Variants in ADGRL3 observed in about 807,000 individuals in gnomAD.
ADGRL3 encodes the protein calcium-independent alpha-latrotoxin receptor 3.
Under a neutral mutation model 153.5 loss-of-function variants are expected in ADGRL3, and 62 were observed. That is an observed-to-expected ratio of 0.40 (90% CI 0.33 to 0.50). ADGRL3 has a LOEUF of 0.50. ADGRL3 is among the 20% of genes least tolerant of loss of function. The pLI is 0.47. For missense variants in ADGRL3, 1,641 were observed against 1,859.4 expected (o/e 0.88, Z 2.16); for synonymous variants, 710 against 672.5 (o/e 1.06, Z -0.86).
chr4:61,894,410 C>A (rs1469308712), intron 10 of ADGRL3, among the ~76,000 whole-genome samples: 1 of 152,048 alleles, frequency 6.6e-6, no homozygotes, highest in Non-Finnish European at 1.5e-5. Context: ...CAAAAATACT[C>A]ATTTTATTTA....
chr4:61,890,261 A>G (rs1168337620), intron 9 of ADGRL3, among the ~76,000 whole-genome samples: 4 of 152,224 alleles, frequency 2.6e-5, no homozygotes, highest in Non-Finnish European at 5.9e-5. Context: ...AGAAGTACAA[A>G]TGAGAGCTGG....
At chr4:61,616,904 C>T (rs2092065420) in intron 5 of ADGRL3, among the ~76,000 whole-genome samples, 1 of 152,144 alleles carries the variant, frequency 6.6e-6, no homozygotes, top group African/African-American at 2.4e-5. Context: ...ATACTTCTGC[C>T]TCAGCCTCCC....
intron 24 of ADGRL3, among the ~76,000 whole-genome samples, chr4:62,043,319 T>G (rs916549964): frequency 6.6e-6 from 1 of 152,052 alleles, no homozygotes; most frequent in African/African-American, 2.4e-5. Context: ...TAATTAATAT[T>G]TTTAATTAAT....
chr4:61,726,450 C>T (rs1412064223), intron 6 of ADGRL3, among the ~76,000 whole-genome samples: 3 of 151,942 alleles, frequency 2.0e-5, no homozygotes, highest in Admixed American at 6.6e-5. Flanking sequence ...CCACCCACCT[C>T]GAACTCCCAA....
intron 17 of ADGRL3, among the ~76,000 whole-genome samples, chr4:61,970,422 C>T (rs116834852): frequency 0.014 from 2,063 of 152,070 alleles, 56 homozygotes; most frequent in African/African-American, 0.046. Context: ...TTCTTTCATT[C>T]GTTATGGTAG....
chr4:61,654,715 G>A (rs1038653368), intron 5 of ADGRL3, among the ~76,000 whole-genome samples: 1 of 151,966 alleles, frequency 6.6e-6, no homozygotes, highest in African/African-American at 2.4e-5. Flanking sequence ...CAGCCAAGAT[G>A]GTGAAACCCC....
At chr4:61,693,154 TGAAAA>T (rs915486968) in intron 6 of ADGRL3, among the ~76,000 whole-genome samples, 119 of 152,206 alleles carry the variant, frequency 7.8e-4, no homozygotes, top group African/African-American at 2.8e-3. Flanking sequence ...CTCCACTTTG[TGAAAA>T]GAAAAGTAAT....
intron 21 of ADGRL3, among the ~76,000 whole-genome samples, chr4:62,014,904 CAAT>C (rs772453018): frequency 5.3e-5 from 8 of 152,136 alleles, no homozygotes; most frequent in African/African-American, 9.7e-5. Context: ...AGCAAAACAA[CAAT>C]AAGGTAACAG....
chr4:61,904,177 T>TA (rs5858740), intron 11 of ADGRL3, among the ~76,000 whole-genome samples: 112,114 of 136,134 alleles, frequency 0.82, 47,426 homozygotes, highest in Non-Finnish European at 0.93. Flanking sequence ...TATTGTTCAT[T>TA]AAAAAAAAAA....
At chr4:61,856,586 TTC>T (rs199927400) in intron 9 of ADGRL3, among the ~76,000 whole-genome samples, 26 of 78,682 alleles carry the variant, frequency 3.3e-4, no homozygotes, top group African/African-American at 9.0e-4. Flanking sequence ...TCTCTCTTTT[TTC>T]TCTCTCTCTC....
intron 1 of ADGRL3, among the ~76,000 whole-genome samples, chr4:61,354,402 A>C (rs1468662951): frequency 2.0e-5 from 3 of 152,200 alleles, no homozygotes; most frequent in African/African-American, 7.2e-5. Context: ...AATTGTTTAA[A>C]AAATATGTTA....
At chr4:62,068,278 G>T (rs1744051842) in intron 26 of ADGRL3, 95 bp downstream of exon 26, 1 of 1,139,546 alleles carries the variant, frequency 8.8e-7, no homozygotes, top group Non-Finnish European at 1.2e-6. Flanking sequence ...ATTAAAAACA[G>T]TTCATCTCAC....
intron 2 of ADGRL3, among the ~76,000 whole-genome samples, chr4:61,440,609 A>C (rs1283380468): frequency 6.6e-6 from 1 of 152,136 alleles, no homozygotes; most frequent in African/African-American, 2.4e-5. Flanking sequence ...TGATTTTTAT[A>C]AGAGGCTAGA....
intron 8 of ADGRL3, among the ~76,000 whole-genome samples, chr4:61,801,642 C>T (rs2097498730): frequency 6.6e-6 from 1 of 152,032 alleles, no homozygotes; most frequent in South Asian, 2.1e-4. Flanking sequence ...TATGTGAAGC[C>T]TCGTGGTATA....
chr4:61,697,065 A>C (rs1271589846), intron 6 of ADGRL3, among the ~76,000 whole-genome samples: 1 of 137,984 alleles, frequency 7.2e-6, no homozygotes, highest in Non-Finnish European at 1.7e-5. Context: ...AATATAGTAG[A>C]TACTTAGTAG....
chr4:61,973,062 C>T (rs2099034931), intron 17 of ADGRL3, among the ~76,000 whole-genome samples: 1 of 151,314 alleles, frequency 6.6e-6, no homozygotes, highest in South Asian at 2.1e-4. Context: ...AGTTTGTATC[C>T]CATCTGGAAA....
intron 2 of ADGRL3, among the ~76,000 whole-genome samples, chr4:61,466,502 G>C (rs1202163384): frequency 6.6e-6 from 1 of 152,158 alleles, no homozygotes; most frequent in Non-Finnish European, 1.5e-5. Flanking sequence ...GCATAAATCA[G>C]ATTATGCATG....
chr4:61,818,562 G>A (rs1247847845), intron 9 of ADGRL3, among the ~76,000 whole-genome samples: 1 of 152,146 alleles, frequency 6.6e-6, no homozygotes, highest in African/African-American at 2.4e-5. Context: ...CTGGCCCCAT[G>A]GTTCAGTCAC....
rs1734400532 is a variant in ADGRL3 at position 61,200,762 on chromosome 4, A to T, written c.-1243A>T. Among the ~76,000 whole-genome samples the T allele has an allele frequency of 6.6e-6, 1 of 151,878 alleles. No individual in the cohort carries two copies. The highest frequency in any genetic ancestry group is 1.5e-5 in the Non-Finnish European group (1 of 67,956). ...GCCAGTGCCTCGCTCGCTCTTGGGG[A>T]GTCGAAGAAGAGAAAGAACCGAAGA... On this transcript the variant is annotated 5_prime_UTR_variant, in exon 1 of 27. Transcript: ENST00000683033.
Sources: gnomAD v4.1 joint callset for allele counts (sites outside exome capture counted in the v4.1 genomes callset) on GRCh38, gnomAD v4.1.1 for gene constraint, MANE v1.5 for transcripts, NCBI Gene and HGNC (gene_info 2026-07-23, HGNC 2026-07-21) for gene names.